PRKAR1B: variants seen among roughly 807,000 people sequenced by gnomAD.
The protein encoded by PRKAR1B is protein kinase cAMP-dependent type I regulatory subunit beta, also known as cAMP-dependent protein kinase type I-beta regulatory subunit.
In PRKAR1B, 22 loss-of-function variants were observed where a neutral mutation model predicts 46.5. The ratio of observed to expected loss-of-function variants is 0.47; its 90% CI spans 0.34 to 0.68. The LOEUF (loss-of-function observed/expected upper bound fraction) is 0.68. Ranked by LOEUF, PRKAR1B falls within the 30% of genes least tolerant of loss-of-function variation. The probability of loss-of-function intolerance (pLI) is 0.01; values close to 1 mark genes in which losing one functional copy is unlikely to be tolerated. For synonymous variants in PRKAR1B, 259 were observed against 217.7 expected (o/e 1.19, Z -1.67); for missense variants, 445 against 535.6 (o/e 0.83, Z 1.67).
At chr7:588,679 CGATGAT>C (rs200445979) in intron 7 of PRKAR1B, among the ~76,000 whole-genome samples, 3 of 23,358 alleles carry the variant, frequency 1.3e-4, no homozygotes, top group South Asian at 1.3e-3. Flanking sequence ...GTGGTGATGA[CGATGAT>C]GGTGATGGTG....
chr7:697,648 T>C (rs1360981575), intron 2 of PRKAR1B, among the ~76,000 whole-genome samples: 1 of 151,770 alleles, frequency 6.6e-6, no homozygotes, highest in Non-Finnish European at 1.5e-5. Context: ...AGGGCTCACA[T>C]GGTACCAACC....
intron 4 of PRKAR1B, among the ~76,000 whole-genome samples, chr7:628,969 T>C (rs1192204482): frequency 6.6e-6 from 1 of 152,194 alleles, no homozygotes; most frequent in Non-Finnish European, 1.5e-5. Flanking sequence ...GCCAAGGTGC[T>C]TGCAACGTCC....
chr7:568,641 C>A lies in PRKAR1B; in HGVS notation c.891+10615G>T, dbSNP rs565632344. ...ACTGCCTGCAGGACCACAGCCACCA[C>A]GGCCAGCCCCTGCTGCGGGGGGTGG... On this transcript the variant is annotated intron_variant, in intron 9 of 10. Coordinates refer to ENST00000537384, the MANE Select transcript of PRKAR1B (RefSeq NM_001164760.2). Among the ~76,000 whole-genome samples the A allele has an allele frequency of 2.0e-5, 3 of 152,354 alleles. No individual in the cohort carries two copies. The East Asian group carries it at 5.8e-4, about 29-fold the overall frequency.
chr7:690,396 C>A (rs1779346905), intron 2 of PRKAR1B, among the ~76,000 whole-genome samples: 4 of 151,946 alleles, frequency 2.6e-5, no homozygotes, highest in African/African-American at 9.7e-5. Context: ...ATACCCTAGA[C>A]CTCAGCATCA....
At chr7:607,793 C>T (rs767875537) in intron 4 of PRKAR1B, 4 of 245,340 alleles carry the variant, frequency 1.6e-5, no homozygotes, top group African/African-American at 7.0e-5. Flanking sequence ...ATTCTCCCAT[C>T]GGTAAATACA....
At chr7:604,613 T>A (rs530254216) in intron 6 of PRKAR1B, among the ~76,000 whole-genome samples, 88 of 152,298 alleles carry the variant, frequency 5.8e-4, no homozygotes, top group African/African-American at 2.1e-3. Context: ...TCATTTCCTG[T>A]GCTATCAGCT....
chr7:693,083 C>G (rs1471079810), intron 2 of PRKAR1B, among the ~76,000 whole-genome samples: 3 of 151,734 alleles, frequency 2.0e-5, no homozygotes, highest in South Asian at 4.2e-4. Flanking sequence ...CACAGGCGCC[C>G]ACCACCACAC....
At chr7:578,778 T>G in intron 9 of PRKAR1B, 1 of 216,896 alleles carries the variant, frequency 4.6e-6, no homozygotes, top group Non-Finnish European at 9.3e-6. Flanking sequence ...ATCTCCCGGG[T>G]TCAAGCGATT....
intron 4 of PRKAR1B, among the ~76,000 whole-genome samples, chr7:670,313 C>A (rs1046223710): frequency 6.6e-6 from 1 of 152,196 alleles, no homozygotes; most frequent in African/African-American, 2.4e-5. Flanking sequence ...GCCCAGCATC[C>A]CTGCAACCAC....
At chr7:665,559 G>T (rs574340867) in intron 4 of PRKAR1B, among the ~76,000 whole-genome samples, 1 of 152,184 alleles carries the variant, frequency 6.6e-6, no homozygotes, top group Non-Finnish European at 1.5e-5. Context: ...CTAACCTCAA[G>T]GTCTCCTCTG....
chr7:554,479 C>T (rs1488973204), intron 9 of PRKAR1B, among the ~76,000 whole-genome samples: 1 of 152,268 alleles, frequency 6.6e-6, no homozygotes, highest in African/African-American at 2.4e-5. Context: ...CACAGGATTA[C>T]TTGGTGAAAC....
chr7:630,017 G>A (rs931819231), intron 4 of PRKAR1B, among the ~76,000 whole-genome samples: 8 of 126,376 alleles, frequency 6.3e-5, no homozygotes, highest in African/African-American at 2.2e-4. Flanking sequence ...CTCCCAGGGC[G>A]CCACCACCCC....
intron 5 of PRKAR1B, among the ~76,000 whole-genome samples, chr7:606,879 C>T (rs1253568291): frequency 7.6e-6 from 1 of 131,106 alleles, no homozygotes; most frequent in East Asian, 1.9e-4. Context: ...CTATTTTATA[C>T]ACACACATAT....
chr7:649,688 A>G (rs923819413), intron 4 of PRKAR1B, among the ~76,000 whole-genome samples: 2 of 151,960 alleles, frequency 1.3e-5, no homozygotes, highest in Non-Finnish European at 2.9e-5. Flanking sequence ...CGATCCTCCC[A>G]TCTCAGCCTC....
intron 4 of PRKAR1B, among the ~76,000 whole-genome samples, chr7:665,892 A>G (rs181156886): frequency 7.8e-4 from 119 of 152,334 alleles, no homozygotes; most frequent in African/African-American, 2.7e-3. Flanking sequence ...GAAGAGAAAC[A>G]GCGACAGATA....
intron 4 of PRKAR1B, among the ~76,000 whole-genome samples, chr7:629,849 G>A (rs1554295528): frequency 1.8e-5 from 1 of 54,976 alleles, no homozygotes; most frequent in African/African-American, 9.6e-5. Context: ...CTCCCAGGGC[G>A]CCACCACCCC....
chr7:585,605 G>T (rs1780552260), intron 7 of PRKAR1B, among the ~76,000 whole-genome samples: 1 of 152,110 alleles, frequency 6.6e-6, no homozygotes, highest in Non-Finnish European at 1.5e-5. Flanking sequence ...GTGGAGAAAG[G>T]AGGGAGGAGG....
chr7:714,083 CCCT>C lies in PRKAR1B; in HGVS notation c.-22-2559_-22-2557del, dbSNP rs1476744785. Among the ~76,000 whole-genome samples, 4 of 152,162 alleles carry C rather than the reference CCCT, an allele frequency of 2.6e-5. No individual in the cohort carries two copies. Among genetic ancestry groups the C allele is most frequent in the Non-Finnish European group, 5.9e-5 (4 of 67,980 alleles). On this transcript the variant is annotated intron_variant, in intron 1 of 10. Coordinates refer to ENST00000537384, the MANE Select transcript of PRKAR1B (RefSeq NM_001164760.2). The surrounding 1 kb of genome is among the most constrained non-coding windows in gnomAD (Gnocchi z 4.3). ...ACGTGCTCCCCGCGGCCCCTCCACT[CCCT>C]CCTCCTCCTCCTCCAATTACTCCTG...
intron 4 of PRKAR1B, among the ~76,000 whole-genome samples, chr7:669,346 A>C (rs1251476008): frequency 2.6e-5 from 4 of 152,248 alleles, no homozygotes; most frequent in Admixed American, 6.5e-5. Context: ...AGGGGGTGAT[A>C]GGACTGACTG....
Sources: gnomAD v4.1 joint callset for allele counts (sites outside exome capture counted in the v4.1 genomes callset) on GRCh38, gnomAD v4.1.1 for gene constraint, Gnocchi (gnomAD v3.1) non-coding constraint, MANE v1.5 for transcripts, NCBI Gene and HGNC (gene_info 2026-07-23, HGNC 2026-07-21) for gene names.